Variants in REDIC1 observed in about 807,000 individuals in gnomAD.
REDIC1 encodes the protein regulator of DNA class I crossover intermediates 1.
At chr12:39,683,370 G>C in the REDIC1 span, 1 of 1,382,786 alleles carries the variant, frequency 7.2e-7, no homozygotes, top group Non-Finnish European at 1.0e-6. Context: ...AATGAAAATA[G>C]ACTATGCTAA....
At chr12:39,858,641 C>G in the REDIC1 span, among the ~76,000 whole-genome samples, 2,143 of 152,252 alleles carry the variant, frequency 0.014, 38 homozygotes, top group African/African-American at 0.047. Flanking sequence ...GAGTCTTGCA[C>G]TATTGCCTGG....
At chr12:39,886,765 T>C in the REDIC1 span, among the ~76,000 whole-genome samples, 1 of 152,300 alleles carries the variant, frequency 6.6e-6, no homozygotes, top group South Asian at 2.1e-4. Context: ...ACAAAAAGAA[T>C]AACGGCTAAT....
At chr12:39,711,499 A>ATGTATATATG in the REDIC1 span, among the ~76,000 whole-genome samples, 1 of 140,680 alleles carries the variant, frequency 7.1e-6, no homozygotes, top group Non-Finnish European at 1.5e-5. Context: ...GTATATAAGT[A>ATGTATATATG]TGTATATATG....
chr12:39,726,341 T>C, the REDIC1 span, among the ~76,000 whole-genome samples: 1 of 152,060 alleles, frequency 6.6e-6, no homozygotes, highest in Non-Finnish European at 1.5e-5. Flanking sequence ...GGCTCCAGTG[T>C]GTGATGTTCC....
chr12:39,638,501 G>A, the REDIC1 span, among the ~76,000 whole-genome samples: 1 of 151,926 alleles, frequency 6.6e-6, no homozygotes, highest in Non-Finnish European at 1.5e-5. Context: ...GATCTGTTTG[G>A]CTATCCATTT....
At chr12:39,752,043 A>C in the REDIC1 span, among the ~76,000 whole-genome samples, 1 of 152,172 alleles carries the variant, frequency 6.6e-6, no homozygotes, top group Admixed American at 6.5e-5. Flanking sequence ...CTAGAACTTA[A>C]AGTATAAAAA....
chr12:39,898,540 C>A, the REDIC1 span, among the ~76,000 whole-genome samples: 2 of 152,138 alleles, frequency 1.3e-5, no homozygotes, highest in Non-Finnish European at 2.9e-5. Flanking sequence ...ATTCCTTCAG[C>A]TAAACACCAG....
At chr12:39,631,795 C>T in the REDIC1 span, among the ~76,000 whole-genome samples, 3 of 151,844 alleles carry the variant, frequency 2.0e-5, no homozygotes, top group African/African-American at 7.3e-5. Context: ...AATTTGTTAA[C>T]GAAATGCAAT....
At chr12:39,903,531 G>T in the REDIC1 span, among the ~76,000 whole-genome samples, 1 of 152,042 alleles carries the variant, frequency 6.6e-6, no homozygotes, top group African/African-American at 2.4e-5. Flanking sequence ...CTCATGACAA[G>T]ATTCTGGGGT....
chr12:39,687,094 TG>T, the REDIC1 span, among the ~76,000 whole-genome samples: 1 of 152,206 alleles, frequency 6.6e-6, no homozygotes, highest in Non-Finnish European at 1.5e-5. Context: ...CAGCCTTTTT[TG>T]TTATAACCAT....
At chr12:39,853,665 T>TTTTATG in the REDIC1 span, among the ~76,000 whole-genome samples, 1 of 151,850 alleles carries the variant, frequency 6.6e-6, no homozygotes, top group Non-Finnish European at 1.5e-5. Context: ...GTCAGACTGC[T>TTTTATG]ACAGCCTGGT....
At chr12:39,775,570 G>T in the REDIC1 span, among the ~76,000 whole-genome samples, 2 of 152,198 alleles carry the variant, frequency 1.3e-5, no homozygotes, top group African/African-American at 4.8e-5. Flanking sequence ...ATACTTTGAA[G>T]TTCTTTCTCT....
At chr12:39,648,903 G>T in the REDIC1 span, among the ~76,000 whole-genome samples, 3 of 151,568 alleles carry the variant, frequency 2.0e-5, no homozygotes, top group Admixed American at 6.6e-5. Flanking sequence ...AAGAGAAAAT[G>T]AAGTATTACA....
At chr12:39,829,033 T>G in the REDIC1 span, among the ~76,000 whole-genome samples, 1,035 of 152,286 alleles carry the variant, frequency 6.8e-3, 9 homozygotes, top group Middle Eastern at 0.014. Flanking sequence ...GACACAATAC[T>G]TTATTACAGA....
chr12:39,672,363 T>C, the REDIC1 span, among the ~76,000 whole-genome samples: 1 of 151,778 alleles, frequency 6.6e-6, no homozygotes, highest in Non-Finnish European at 1.5e-5. Context: ...AGGCAGTGGG[T>C]GGGGAAAGCC....
chr12:39,878,304 A>G, the REDIC1 span, among the ~76,000 whole-genome samples: 5 of 152,338 alleles, frequency 3.3e-5, no homozygotes, highest in African/African-American at 9.6e-5. Context: ...AGAGGTTGGA[A>G]GAATTTGGAG....
the REDIC1 span, among the ~76,000 whole-genome samples, chr12:39,896,142 CTATA>C: frequency 2.8e-5 from 4 of 141,134 alleles, no homozygotes; most frequent in Admixed American, 2.9e-4. Flanking sequence ...ACACGTGTAC[CTATA>C]TATGTATACA....
chr12:39,894,792 G>C, the REDIC1 span, among the ~76,000 whole-genome samples: 1 of 151,778 alleles, frequency 6.6e-6, no homozygotes, highest in African/African-American at 2.4e-5. Context: ...TAAAGATTAG[G>C]GAATAAAGCA....
the REDIC1 span, among the ~76,000 whole-genome samples, chr12:39,712,712 TAG>T: frequency 7.0e-4 from 3 of 4,300 alleles, no homozygotes; most frequent in Non-Finnish European, 1.1e-3. Flanking sequence ...TATATGTATA[TAG>T]ACGTATACGT....
Sources: allele counts gnomAD v4.1 joint callset (sites outside exome capture counted in the v4.1 genomes callset), GRCh38; gene constraint gnomAD v4.1.1; transcripts MANE v1.5; gene names NCBI Gene and HGNC (gene_info 2026-07-23, HGNC 2026-07-21).